ADAP1: variants seen among roughly 807,000 people sequenced by gnomAD.
ADAP1 encodes arf-GAP with dual PH domain-containing protein 1.
Under a neutral mutation model 54.9 loss-of-function variants are expected in ADAP1, and 31 were observed. The ratio of observed to expected loss-of-function variants is 0.56; its 90% CI spans 0.42 to 0.76. The LOEUF (loss-of-function observed/expected upper bound fraction) is 0.76. ADAP1 is among the 30% of genes least tolerant of loss of function. ADAP1 has a pLI of 0.00. For synonymous variants in ADAP1, 313 were observed against 202.6 expected, an observed-to-expected ratio of 1.55 and a Z score of -4.63; for missense variants, 535 against 512.4, an observed-to-expected ratio of 1.04 and a Z score of -0.42.
At chr7:904,335 A>C (rs1844981705) in intron 5 of ADAP1, 63 bp from the exon 6 acceptor site, 2 of 1,515,302 alleles carry the variant, frequency 1.3e-6, no homozygotes, top group Non-Finnish European at 8.8e-7. Context: ...GGGAGCAGGA[A>C]GGGCAGACCC....
intron 4 of ADAP1, among the ~76,000 whole-genome samples, chr7:912,216 G>C (rs1294958385): frequency 2.0e-5 from 3 of 152,188 alleles, no homozygotes; most frequent in African/African-American, 7.2e-5. Context: ...AGGAGCACGG[G>C]GTCCGGAGCC....
chr7:950,275 G>A (rs1157203258), intron 1 of ADAP1, among the ~76,000 whole-genome samples: 1 of 152,052 alleles, frequency 6.6e-6, no homozygotes, highest in Non-Finnish European at 1.5e-5. Context: ...CACAAGGTCA[G>A]GAGATCGAGA....
At chr7:908,829 G>A (rs964198158) in intron 4 of ADAP1, among the ~76,000 whole-genome samples, 3 of 152,224 alleles carry the variant, frequency 2.0e-5, no homozygotes, top group African/African-American at 4.8e-5. Context: ...GTGCGTGTCC[G>A]TGTCACCAAT....
rs558260525 is a variant in ADAP1 at position 952,719 on chromosome 7, C to T, written c.82+1677G>A. Among the ~76,000 whole-genome samples the T allele has an allele frequency of 2.6e-5, 4 of 152,284 alleles. No individual in the cohort carries two copies. In the South Asian group the frequency reaches 8.3e-4, roughly 32 times the overall value. On this transcript the variant is annotated intron_variant, in intron 1 of 10. Transcript: ENST00000265846. ...AAATGAGAGTGACCCCTCACAGCAT[C>T]CCCCCTCCATGGCGCTACCCGACAG...
chr7:930,804 G>A (rs1455849016), intron 2 of ADAP1, among the ~76,000 whole-genome samples: 1 of 116,378 alleles, frequency 8.6e-6, no homozygotes. Flanking sequence ...GGGAGACAGT[G>A]AGACTGTCTC....
rs900558617 is a variant in ADAP1, at chr7:926,661, G to A, written c.214-17C>T. 2.0e-6 allele frequency: 3 copies of A among 1,535,606 alleles called. No individual in the cohort carries two copies. The highest frequency in any genetic ancestry group is 1.2e-5 in the South Asian group (1 of 82,958). On this transcript the variant is annotated splice_polypyrimidine_tract_variant and intron_variant, in intron 2 of 10. Transcript: ENST00000265846. The surrounding 1 kb of genome is among the most constrained non-coding windows in gnomAD (Gnocchi z 4.6). The stretch of plus-strand genomic sequence containing the variant: ...GGCCATGAACTGCAAGAGAGGAGGG[G>A]CCGGGTCAGAGGCCTGGGGTCCCAG...
At chr7:949,044 C>T (rs559012020) in intron 1 of ADAP1, among the ~76,000 whole-genome samples, 86 of 152,354 alleles carry the variant, frequency 5.6e-4, no homozygotes, top group Admixed American at 2.0e-3. Context: ...CCCCAAGTGC[C>T]ATCACCATCT....
intron 7 of ADAP1, 104 bp from the exon 8 acceptor site, chr7:900,268 C>G: frequency 5.0e-6 from 7 of 1,409,990 alleles, no homozygotes; most frequent in Non-Finnish European, 7.0e-6. Flanking sequence ...GCCACCAGGT[C>G]AGGGCCCAGG....
intron 6 of ADAP1, among the ~76,000 whole-genome samples, chr7:901,817 T>A (rs560496617): frequency 9.9e-3 from 216 of 21,764 alleles, no homozygotes; most frequent in Middle Eastern, 0.094. Flanking sequence ...CCGCCCTCCC[T>A]CCTCCTAGAG....
chr7:904,362 G>A (rs1476949003), intron 5 of ADAP1, 90 bp from the exon 6 acceptor site: 23 of 1,463,376 alleles, frequency 1.6e-5, no homozygotes, highest in Admixed American at 1.2e-4. Context: ...TGCTGGCGGC[G>A]CACCTGCTGT....
At chr7:905,298 CAG>C (rs372870944) in intron 4 of ADAP1, 126 bp from the exon 5 acceptor site, 22,084 of 259,926 alleles carry the variant, frequency 0.085, 2,778 homozygotes, top group African/African-American at 0.28. Flanking sequence ...GGGACACGGA[CAG>C]GGGGAGACGG....
intron 4 of ADAP1, among the ~76,000 whole-genome samples, chr7:910,091 G>A (rs1845660542): frequency 6.6e-6 from 1 of 152,212 alleles, no homozygotes; most frequent in African/African-American, 2.4e-5. Context: ...GCCCGACTGT[G>A]GGCGGGGACG....
rs1845694136 is a variant in ADAP1, at chr7:910,848, G to A, written c.389-5676C>T. On this transcript the variant is annotated intron_variant, in intron 4 of 10. Coordinates refer to ENST00000265846, the MANE Select transcript of ADAP1 (RefSeq NM_006869.4). The stretch of plus-strand genomic sequence containing the variant: ...TGATCACTGCACCCCGGCCGTCCCT[G>A]TGAAGGGCCTGGACCTGGCTTCCGG... Among the ~76,000 whole-genome samples, 4 of 152,170 alleles carry A rather than the reference G, an allele frequency of 2.6e-5. No individual in the cohort carries two copies. The South Asian group carries it at 6.2e-4, about 24-fold the overall frequency.
chr7:920,919 C>A lies in ADAP1; in HGVS notation c.306-869G>T. On this transcript the variant is annotated intron_variant, in intron 3 of 10. Coordinates refer to ENST00000265846, the MANE Select transcript of ADAP1 (RefSeq NM_006869.4). The surrounding 1 kb of genome is among the most constrained non-coding windows in gnomAD (Gnocchi z 4.5). ...CAAAGAACAAATAGGAACCCTGTGG[C>A]TTCCTGCTGGGCCCACGTGAACAGC... 1 of 1,514,338 alleles carries A rather than the reference C, an allele frequency of 6.6e-7. No individual in the cohort carries two copies. The highest frequency in any genetic ancestry group is 9.0e-7 in the Non-Finnish European group (1 of 1,116,556). The allele number at this position is 1,514,338 out of a possible 1,614,324, so 93.8% of individuals were successfully genotyped here.
At chr7:951,679 G>A (rs932718174) in intron 1 of ADAP1, among the ~76,000 whole-genome samples, 28 of 152,278 alleles carry the variant, frequency 1.8e-4, no homozygotes, top group Admixed American at 1.7e-3. Context: ...AGGCTGCAGT[G>A]AGTTGAGATT....
intron 4 of ADAP1, among the ~76,000 whole-genome samples, chr7:913,804 G>A (rs561721586): frequency 3.3e-5 from 5 of 152,244 alleles, no homozygotes; most frequent in Admixed American, 2.0e-4. Context: ...GCGTGGTGGG[G>A]GGCGCCTGTA....
At chr7:902,094 A>T (rs899612448) in intron 6 of ADAP1, among the ~76,000 whole-genome samples, 2 of 151,516 alleles carry the variant, frequency 1.3e-5, no homozygotes, top group African/African-American at 4.9e-5. Context: ...GGGCGGGGGG[A>T]ATTATCTTTG....
chr7:938,207 C>A lies in ADAP1; in HGVS notation c.83-2702G>T, dbSNP rs1399036667. On this transcript the variant is annotated intron_variant, in intron 1 of 10. Transcript: ENST00000265846. This position sits in a 1 kb window ranked among gnomAD's most constrained non-coding sequence, Gnocchi z 4.4. ...GTTTTGTTTTGAGACAGGGTCTTGC[C>A]CTGTTGCCCAAGGTGGAGTGCAGTG... 6.6e-6 allele frequency among the ~76,000 whole-genome samples: 1 copy of A among 152,014 alleles called. No homozygotes were observed. The highest frequency in any genetic ancestry group is 1.5e-5 in the Non-Finnish European group (1 of 67,998).
intron 4 of ADAP1, among the ~76,000 whole-genome samples, chr7:915,246 G>GCACACCTCGCC (rs1554274113): frequency 6.6e-6 from 1 of 151,928 alleles, no homozygotes; most frequent in Admixed American, 6.6e-5. Flanking sequence ...CACCTCGCCT[G>GCACACCTCGCC]TGCATCTCAC....
Sources: allele counts gnomAD v4.1 joint callset (sites outside exome capture counted in the v4.1 genomes callset), GRCh38; gene constraint gnomAD v4.1.1; non-coding constraint Gnocchi (gnomAD v3.1); transcripts MANE v1.5; gene names NCBI Gene and HGNC (gene_info 2026-07-23, HGNC 2026-07-21).